MAML1: variants seen among roughly 807,000 people sequenced by gnomAD.
MAML1 encodes mastermind like transcriptional coactivator 1.
A neutral mutation model predicts 77.1 loss-of-function variants in MAML1; 14 were observed. The observed-to-expected ratio is 0.18, with a 90% confidence interval of 0.12 to 0.28. The LOEUF (loss-of-function observed/expected upper bound fraction) is 0.28. Among genes scored for constraint, MAML1 ranks in the 10% least tolerant of loss-of-function variants. The pLI is 1.00. For missense variants in MAML1, 1,217 were observed against 1,327.8 expected (o/e 0.92, Z 1.30); for synonymous variants, 516 against 551.9 (o/e 0.93, Z 0.91).
rs1755975857 is a variant in MAML1, at chr5:179,771,048, C to A, written c.1972-99C>A. 1.2e-6 allele frequency: 1 copy of A among 856,884 alleles called. No homozygotes were observed. The highest frequency in any genetic ancestry group is 2.0e-6 in the Non-Finnish European group (1 of 508,028). The allele number at this position is 856,884 out of a possible 1,614,324, so 53.1% of individuals were successfully genotyped here. Reference sequence around the variant, plus strand: ...TCCACAGGAGCCCATTTGTGAGTAACAAACTTGGATAAGTTACTTTTCTCT... The same window carrying A: ...TCCACAGGAGCCCATTTGTGAGTAAAAAACTTGGATAAGTTACTTTTCTCT... On this transcript the variant is annotated intron_variant, in intron 3 of 4. Transcript: ENST00000292599. This position sits in a 1 kb window ranked among gnomAD's most constrained non-coding sequence, Gnocchi z 4.7.
chr5:179,768,223 G>A (rs1156324392), intron 2 of MAML1, among the ~76,000 whole-genome samples: 1 of 152,204 alleles, frequency 6.6e-6, no homozygotes, highest in Non-Finnish European at 1.5e-5. Flanking sequence ...TTGAGAGGCC[G>A]AGGTGGGTGG....
chr5:179,736,419 A>G (rs1284059624), intron 1 of MAML1, among the ~76,000 whole-genome samples: 1 of 151,632 alleles, frequency 6.6e-6, no homozygotes, highest in African/African-American at 2.4e-5. Flanking sequence ...CGCTCCCCTA[A>G]TTTTTTGTAT....
chr5:179,768,327 C>T (rs527999152), intron 2 of MAML1, among the ~76,000 whole-genome samples: 18 of 152,300 alleles, frequency 1.2e-4, no homozygotes, highest in African/African-American at 4.3e-4. Flanking sequence ...TGTGGTGGCA[C>T]ATGCCTCTAA....
In MAML1 at chr5:179,774,548, G is replaced by A. The variant is rs139987702; in HGVS notation, c.2722G>A (p.Ala908Thr). ...GGGGTCCTTGCTACCCCCAGTGAGT[G>A]CACAGCAGAGGACCAGCGCCCCTGC... The part of the protein sequence containing the change: ...AVGSLLPPVS[A>T]QQRTSAPAPA... The change falls in exon 5 of 5, where the codon GCA becomes ACA. Residue 908 changes from alanine to threonine, a missense_variant. Transcript: ENST00000292599. 20 of 1,612,868 alleles carry A rather than the reference G, an allele frequency of 1.2e-5. No homozygotes were observed. The highest frequency in any genetic ancestry group is 8.0e-5 in the African/African-American group (6 of 74,944).
In MAML1 at chr5:179,766,466, C is replaced by T. The variant is rs771391370; in HGVS notation, c.1456C>T (p.His486Tyr). ...RPGGPYLQPS[H>Y]VNLLSHQPPS... ...CGGAGGCCCCTACCTCCAGCCCAGC[C>T]ATGTGAACCTGCTGAGTCACCAGCC... Residue 486 changes from histidine (H) to tyrosine (Y), a missense_variant, in exon 2 of 5, where the codon CAT becomes TAT. His to Tyr is a moderately conservative substitution (Grantham distance 83). Around this residue, in one of 3 missense-constraint regions of MAML1, gnomAD observed 884 missense variants for 949.3 expected, o/e 0.93. Coordinates refer to ENST00000292599, the MANE Select transcript of MAML1 (RefSeq NM_014757.5). The surrounding 1 kb of genome is among the most constrained non-coding windows in gnomAD (Gnocchi z 4.0). 24 of 1,611,480 alleles carry T rather than the reference C, an allele frequency of 1.5e-5. No homozygotes were observed. The South Asian group carries it at 2.5e-4, about 17-fold the overall frequency.
chr5:179,771,077 C>A lies in MAML1; in HGVS notation c.1972-70C>A. ...CTTGGATAAGTTACTTTTCTCTGACCTCCCTCACTCCCTTTGTTTTGGATT... is the reference window on the plus strand; with the variant it reads ...CTTGGATAAGTTACTTTTCTCTGACATCCCTCACTCCCTTTGTTTTGGATT... On this transcript the variant is annotated intron_variant, in intron 3 of 4. Coordinates refer to ENST00000292599, the MANE Select transcript of MAML1 (RefSeq NM_014757.5). The surrounding 1 kb of genome is among the most constrained non-coding windows in gnomAD (Gnocchi z 4.7). 2 of 1,158,662 alleles carry A rather than the reference C, an allele frequency of 1.7e-6. No individual in the cohort carries two copies. The highest frequency in any genetic ancestry group is 2.6e-6 in the Non-Finnish European group (2 of 767,108). The allele number at this position is 1,158,662 out of a possible 1,614,324, so 71.8% of individuals were successfully genotyped here. A position where few individuals can be genotyped will look rare whatever the true frequency, so the allele number is the denominator to read the frequency against.
In MAML1 at chr5:179,766,516, C is replaced by G. The variant is rs760836376; in HGVS notation, c.1506C>G (p.Ser502=). 1 of 1,602,676 alleles carries G rather than the reference C, an allele frequency of 6.2e-7. No homozygotes were observed. Among genetic ancestry groups the G allele is most frequent in the Admixed American group, 1.7e-5 (1 of 57,886 alleles). Residue 502 remains serine (S), a synonymous_variant, in exon 2 of 5, where the codon TCC becomes TCG. Transcript: ENST00000292599. The surrounding 1 kb of genome is among the most constrained non-coding windows in gnomAD (Gnocchi z 4.0). ...HQPPSNLNQN[S]ANNQGSVLDY... ...CACCGAGTAACTTGAATCAGAACTC[C>G]GCGAATAACCAGGGGTCTGTGCTGG...
At chr5:179,753,234 C>T (rs6872950) in intron 1 of MAML1, among the ~76,000 whole-genome samples, 101,562 of 151,582 alleles carry the variant, frequency 0.67, 35,405 homozygotes, top group Middle Eastern at 0.76. Flanking sequence ...CGCGCGCGCG[C>T]GCGCGTGCTG....
Position 179,769,827 on chromosome 5 carries a change from A to G in MAML1, c.1971+738A>G, listed in dbSNP as rs983829304. Among the ~76,000 whole-genome samples, 38 of 152,252 alleles carry G rather than the reference A, an allele frequency of 2.5e-4. No individual in the cohort carries two copies. Among genetic ancestry groups the G allele is most frequent in the African/African-American group, 9.1e-4 (38 of 41,554 alleles). ...CTCGGCCTCCCAAAGTGCTGAGATT[A>G]CAGGCGTGAGCCACCACGCCTGGCC... On this transcript the variant is annotated intron_variant, in intron 3 of 4. Coordinates refer to ENST00000292599, the MANE Select transcript of MAML1 (RefSeq NM_014757.5). This position sits in a 1 kb window ranked among gnomAD's most constrained non-coding sequence, Gnocchi z 4.2.
chr5:179,767,679 AAG>A (rs1406478104), intron 2 of MAML1, among the ~76,000 whole-genome samples: 1 of 152,204 alleles, frequency 6.6e-6, no homozygotes, highest in Admixed American at 6.5e-5. Flanking sequence ...GCACCCCCTG[AAG>A]AGAGGCTCAG....
At chr5:179,751,162 A>G (rs1015204378) in intron 1 of MAML1, among the ~76,000 whole-genome samples, 11 of 151,988 alleles carry the variant, frequency 7.2e-5, no homozygotes, top group Admixed American at 1.3e-4. Context: ...TAGTAGAGAC[A>G]GGGTTTCACC....
chr5:179,752,174 A>G (rs1158259246), intron 1 of MAML1, among the ~76,000 whole-genome samples: 1 of 151,178 alleles, frequency 6.6e-6, no homozygotes, highest in Non-Finnish European at 1.5e-5. Context: ...AAAAATACAG[A>G]AATTAGCTGG....
chr5:179,749,272 A>G (rs1401003361), intron 1 of MAML1, among the ~76,000 whole-genome samples: 1 of 152,150 alleles, frequency 6.6e-6, no homozygotes, highest in Non-Finnish European at 1.5e-5. Flanking sequence ...GATTACAGGC[A>G]TGCGCCACCA....
chr5:179,752,681 A>G (rs193056166), intron 1 of MAML1, among the ~76,000 whole-genome samples: 1,879 of 135,750 alleles, frequency 0.014, 45 homozygotes, highest in African/African-American at 0.05. Context: ...ATCTCAGCTC[A>G]CTACAAGCTC....
chr5:179,774,643 G>T lies in MAML1; in HGVS notation c.2817G>T (p.Gly939=). Residue 939 remains glycine, a synonymous_variant, in exon 5 of 5, where the codon GGG becomes GGT. Coordinates refer to ENST00000292599, the MANE Select transcript of MAML1 (RefSeq NM_014757.5). ...PGLSPAGPEL[G]AFSQSPASQM... is the part of the protein sequence containing the mutation. Reference sequence around the variant, plus strand: ...TGAGCCCAGCAGGGCCTGAGCTGGGGGCCTTCAGCCAGAGCCCTGCCTCAC... The same window carrying T: ...TGAGCCCAGCAGGGCCTGAGCTGGGTGCCTTCAGCCAGAGCCCTGCCTCAC... 1 of 1,611,014 alleles carries T rather than the reference G, an allele frequency of 6.2e-7. No homozygotes were observed.
Position 179,765,633 on chromosome 5 carries a change from T to C in MAML1, c.623T>C (p.Phe208Ser). ...LNGGSNPSESFPLSLNKELKQ... is the reference protein window; with the variant it reads ...LNGGSNPSESSPLSLNKELKQ... ...GGAGGCAGTAACCCCAGTGAGTCATTTCCTCTGAGCCTGAATAAAGAACTG... is the reference window on the plus strand; with the variant it reads ...GGAGGCAGTAACCCCAGTGAGTCATCTCCTCTGAGCCTGAATAAAGAACTG... The change falls in exon 2 of 5, where the codon TTT becomes TCT. Residue 208 changes from phenylalanine (F) to serine (S), a missense_variant. Coordinates refer to ENST00000292599, the MANE Select transcript of MAML1 (RefSeq NM_014757.5). 3.1e-6 allele frequency: 5 copies of C among 1,614,156 alleles called. No homozygotes were observed. Among genetic ancestry groups the C allele is most frequent in the Non-Finnish European group, 4.2e-6 (5 of 1,180,036 alleles).
intron 1 of MAML1, among the ~76,000 whole-genome samples, chr5:179,751,164 G>T (rs962585365): frequency 2.6e-5 from 4 of 151,908 alleles, no homozygotes; most frequent in Non-Finnish European, 4.4e-5. Context: ...GTAGAGACAG[G>T]GTTTCACCAT....
chr5:179,776,146 A>C lies in MAML1; in HGVS notation c.*1269A>C. 1 of 985,926 alleles carries C rather than the reference A, an allele frequency of 1.0e-6. No homozygotes were observed. Among genetic ancestry groups the C allele is most frequent in the South Asian group, 4.7e-5 (1 of 21,288 alleles). 61.1% of individuals were successfully genotyped at this position (985,926 alleles called of 1,614,324 possible). ...AAGATGGAGAGAGCACTTCCCCGTAACGAAAGCAAAGTGGTAAGCACAGGG... is the reference window on the plus strand; with the variant it reads ...AAGATGGAGAGAGCACTTCCCCGTACCGAAAGCAAAGTGGTAAGCACAGGG... On this transcript the variant is annotated 3_prime_UTR_variant, in exon 5 of 5. Coordinates refer to ENST00000292599, the MANE Select transcript of MAML1 (RefSeq NM_014757.5).
At chr5:179,749,553 G>A (rs1779446969) in intron 1 of MAML1, among the ~76,000 whole-genome samples, 1 of 152,134 alleles carries the variant, frequency 6.6e-6, no homozygotes, top group South Asian at 2.1e-4. Flanking sequence ...GAGCCACTGT[G>A]CCTGGCCGAA....
Sources: gnomAD v4.1 joint callset for allele counts (sites outside exome capture counted in the v4.1 genomes callset) on GRCh38, gnomAD v4.1.1 for gene constraint, gnomAD v4.1.1 regional missense constraint, Gnocchi (gnomAD v3.1) non-coding constraint, MANE v1.5 for transcripts, NCBI Gene and HGNC (gene_info 2026-07-23, HGNC 2026-07-21) for gene names.